USP53: variants seen among roughly 807,000 people sequenced by gnomAD.
USP53 encodes the protein ubiquitin specific peptidase 53.
A neutral mutation model predicts 94.9 loss-of-function variants in USP53; 71 were observed. The observed-to-expected ratio is 0.75, with a 90% CI of 0.62 to 0.91. The LOEUF (loss-of-function observed/expected upper bound fraction) is 0.91. USP53 is among the 40% of genes least tolerant of loss of function. The pLI is 0.00. For synonymous variants in USP53, 375 were observed against 422.7 expected, an observed-to-expected ratio of 0.89 and a Z score of 1.39; for missense variants, 1,173 against 1,281.0, an observed-to-expected ratio of 0.92 and a Z score of 1.29.
chr4:119,261,804 C>T lies in USP53; in HGVS notation c.912C>T (p.Ala304=). The T allele has an allele frequency of 6.6e-7, 1 of 1,519,246 alleles. No homozygotes were observed. Among genetic ancestry groups the T allele is most frequent in the South Asian group, 1.3e-5 (1 of 76,854 alleles). The allele number at this position is 1,519,246 out of a possible 1,614,324, so 94.1% of individuals were successfully genotyped here. The change falls in exon 12 of 19, where the codon GCC becomes GCT. Residue 304 remains alanine (A), a synonymous_variant. Transcript: ENST00000692078. ...MICYTSQHYC[A]FAFHTKSSKW... is the part of the protein sequence containing the mutation. ...GCTACACCAGCCAACATTATTGTGC[C>T]TTTGCATTTCACACCAAAAGTTCCA...
At chr4:119,216,910 C>A (rs1456797485) in intron 2 of USP53, among the ~76,000 whole-genome samples, 1 of 152,140 alleles carries the variant, frequency 6.6e-6, no homozygotes. Context: ...TGTTAAAAAT[C>A]ATTTTACGTG....
At chr4:119,273,752 T>A (rs1164734928) in intron 17 of USP53, 44 bp downstream of exon 17, 1 of 1,483,094 alleles carries the variant, frequency 6.7e-7, no homozygotes. Context: ...AAAAAATGAA[T>A]TATAGTAATT....
chr4:119,256,810 C>T (rs942874012), intron 9 of USP53, among the ~76,000 whole-genome samples: 1 of 152,076 alleles, frequency 6.6e-6, no homozygotes, highest in Non-Finnish European at 1.5e-5. Context: ...AAATGATAAA[C>T]TGAATGTTAA....
chr4:119,267,616 G>A (rs757295222), intron 13 of USP53, 134 bp downstream of exon 13: 29 of 1,055,968 alleles, frequency 2.7e-5, no homozygotes, highest in Non-Finnish European at 3.8e-5. Context: ...GGAAATTTTA[G>A]TAATTTTTGT....
intron 5 of USP53, among the ~76,000 whole-genome samples, chr4:119,243,865 T>G (rs1375422255): frequency 6.6e-6 from 1 of 152,236 alleles, no homozygotes; most frequent in African/African-American, 2.4e-5. Context: ...AATACTATAC[T>G]ATTTAATAGC....
In USP53 at chr4:119,271,728, C is replaced by T. The variant is rs748255714; in HGVS notation, c.1868C>T (p.Pro623Leu). 61 of 1,613,734 alleles carry T rather than the reference C, an allele frequency of 3.8e-5. No individual in the cohort carries two copies. The highest frequency in any genetic ancestry group is 6.7e-5 in the East Asian group (3 of 44,886). Residue 623 changes from proline to leucine, a missense_variant, in exon 16 of 19, where the codon CCG becomes CTG. By Grantham distance (98) the Pro-to-Leu change is moderately conservative. Coordinates refer to ENST00000692078, the MANE Select transcript of USP53 (RefSeq NM_001371395.1). ...ISNKPKSSKD[P>L]SFSNWPKENP... The stretch of plus-strand genomic sequence containing the variant: ...AATAAGCCTAAATCTAGCAAGGATC[C>T]GAGTTTTAGTAATTGGCCAAAAGAG...
At chr4:119,215,955 T>G (rs2149251671) in intron 2 of USP53, among the ~76,000 whole-genome samples, 1 of 152,304 alleles carries the variant, frequency 6.6e-6, no homozygotes, top group East Asian at 1.9e-4. Context: ...AAAAAAGAAG[T>G]TTTAAGAAAT....
intron 17 of USP53, among the ~76,000 whole-genome samples, chr4:119,274,164 T>C (rs921399544): frequency 1.3e-5 from 2 of 151,806 alleles, no homozygotes; most frequent in African/African-American, 4.8e-5. Context: ...TAGTTACATA[T>C]GTATACATGT....
At position 119,271,882 on chromosome 4, in the gene USP53, G is replaced by C. The variant is rs759394399; in HGVS notation, c.2022G>C (p.Val674=). The C allele has an allele frequency of 3.7e-6, 6 of 1,614,018 alleles. No homozygotes were observed. Among genetic ancestry groups the C allele is most frequent in the Non-Finnish European group, 4.2e-6 (5 of 1,180,036 alleles). The change falls in exon 16 of 19, where the codon GTG becomes GTC. Residue 674 remains valine (V), a synonymous_variant. Coordinates refer to ENST00000692078, the MANE Select transcript of USP53 (RefSeq NM_001371395.1). Reference sequence around the variant, plus strand: ...ATAAAGGCCTTGTAGAGGGTAAAGTGCATGGTGATAATTGGCAGATGCAAA... The same window carrying C: ...ATAAAGGCCTTGTAGAGGGTAAAGTCCATGGTGATAATTGGCAGATGCAAA... ...EKNKGLVEGK[V]HGDNWQMQRT...
intron 12 of USP53, among the ~76,000 whole-genome samples, chr4:119,267,114 C>T (rs147553892): frequency 5.3e-5 from 8 of 152,000 alleles, no homozygotes; most frequent in South Asian, 4.2e-4. Flanking sequence ...AATCTTTGCC[C>T]GTCAAATTTT....
chr4:119,269,020 G>A (rs80069505), intron 14 of USP53, among the ~76,000 whole-genome samples: 1,559 of 152,282 alleles, frequency 0.01, 28 homozygotes, highest in African/African-American at 0.035. Flanking sequence ...ATGAAATAAT[G>A]TGTAATCATA....
chr4:119,281,338 C>T (rs1753491560), intron 17 of USP53, among the ~76,000 whole-genome samples: 1 of 152,096 alleles, frequency 6.6e-6, no homozygotes. Flanking sequence ...TAATTTTTCA[C>T]AATATAAAAG....
chr4:119,256,329 C>G lies in USP53; in HGVS notation c.456C>G (p.His152Gln). The G allele has an allele frequency of 6.2e-7, 1 of 1,613,880 alleles. No homozygotes were observed. Among genetic ancestry groups the G allele is most frequent in the African/African-American group, 1.3e-5 (1 of 74,984 alleles). Residue 152 changes from histidine to glutamine, a missense_variant, in exon 8 of 19, where the codon CAC (histidine) becomes CAG (glutamine). Physicochemically the swap from His to Gln is conservative, Grantham distance 24. Transcript: ENST00000692078. ...DMCTSKSCIT[H>Q]QKFAMTLYEQ... ...GTACCTCTAAATCTTGTATCACTCA[C>G]CAGAAGTTTGCTATGACTCTGTATG...
chr4:119,278,389 G>A (rs1357617193), intron 17 of USP53, among the ~76,000 whole-genome samples: 1 of 148,246 alleles, frequency 6.7e-6, no homozygotes, highest in African/African-American at 2.5e-5. Flanking sequence ...TGAAATTCTG[G>A]GTTGAAAATT....
At chr4:119,230,210 A>AT (rs1561204508) in intron 3 of USP53, among the ~76,000 whole-genome samples, 1 of 152,174 alleles carries the variant, frequency 6.6e-6, no homozygotes, top group Non-Finnish European at 1.5e-5. Context: ...CCCTGTTTCA[A>AT]TTATACATAT....
At position 119,292,569 on chromosome 4, in the gene USP53, T is replaced by G. The variant is rs541799382; in HGVS notation, c.2580T>G (p.Ser860=). Residue 860 remains serine (S), a synonymous_variant, in exon 19 of 19, where the codon TCT becomes TCG. Transcript: ENST00000692078. ...AGAGAGTGAACAGTAATGAACCATCTTCATTATGGTCTTCACACCTAAGAA... is the reference window on the plus strand; with the variant it reads ...AGAGAGTGAACAGTAATGAACCATCGTCATTATGGTCTTCACACCTAAGAA... ...SGKRVNSNEP[S]SLWSSHLRTV... 9 of 1,614,074 alleles carry G rather than the reference T, an allele frequency of 5.6e-6. No individual in the cohort carries two copies. In the African/African-American group the frequency reaches 9.3e-5, roughly 17 times the overall value.
chr4:119,234,696 G>C (rs1415239884), intron 3 of USP53, among the ~76,000 whole-genome samples: 1 of 152,166 alleles, frequency 6.6e-6, no homozygotes, highest in African/African-American at 2.4e-5. Flanking sequence ...TGTATGCAAG[G>C]TTTCAGGATC....
intron 17 of USP53, among the ~76,000 whole-genome samples, chr4:119,275,337 C>A (rs1752475095): frequency 8.3e-6 from 1 of 120,982 alleles, no homozygotes; most frequent in South Asian, 2.5e-4. Flanking sequence ...TTTCCCAGCA[C>A]CATTTGTTAA....
intron 7 of USP53, among the ~76,000 whole-genome samples, chr4:119,249,650 T>C (rs1297032736): frequency 6.8e-6 from 1 of 147,468 alleles, no homozygotes; most frequent in Non-Finnish European, 1.5e-5. Context: ...AACCTGTTTA[T>C]TTATGTCCTA....
Sources: allele counts gnomAD v4.1 joint callset (sites outside exome capture counted in the v4.1 genomes callset), GRCh38; gene constraint gnomAD v4.1.1; transcripts MANE v1.5; gene names NCBI Gene and HGNC (gene_info 2026-07-23, HGNC 2026-07-21).